The following PTPRD variants were observed in gnomAD, a reference collection of about 807,000 sequenced individuals.
The protein encoded by PTPRD is protein tyrosine phosphatase receptor type D.
In PTPRD, 34 loss-of-function variants were observed where a neutral mutation model predicts 214.5. The ratio of observed to expected loss-of-function variants is 0.16; its 90% confidence interval spans 0.12 to 0.21. The LOEUF (loss-of-function observed/expected upper bound fraction) is 0.21. PTPRD is among the 10% of genes least tolerant of loss of function. PTPRD has a pLI of 1.00. For missense variants in PTPRD, 2,545 were observed against 2,398.7 expected, an observed-to-expected ratio of 1.06 and a Z score of -1.27; for synonymous variants, 1,128 against 845.7, an observed-to-expected ratio of 1.33 and a Z score of -5.79.
intron 8 of PTPRD, among the ~76,000 whole-genome samples, chr9:9,430,542 GA>G (rs1157255912): frequency 1.3e-5 from 2 of 151,934 alleles, no homozygotes; most frequent in Non-Finnish European, 1.5e-5. Context: ...CACAGAATTG[GA>G]AAAAAACTAC....
In PTPRD at chr9:8,314,293, C is replaced by T; in HGVS notation, c.*3581G>A. The T allele has an allele frequency of 4.5e-6, 1 of 221,216 alleles. No homozygotes were observed. The highest frequency in any genetic ancestry group is 9.1e-6 in the Non-Finnish European group (1 of 110,124). The allele number at this position is 221,216 out of a possible 1,614,324, so 13.7% of individuals were successfully genotyped here. ...TAGAATTCATTTGTAACAAATGGAA[C>T]TTGTGTCAGCAAAGAACTGATTTTC... On this transcript the variant is annotated 3_prime_UTR_variant, in exon 46 of 46. Coordinates refer to ENST00000381196, the MANE Select transcript of PTPRD (RefSeq NM_002839.4).
intron 7 of PTPRD, among the ~76,000 whole-genome samples, chr9:9,687,718 C>A (rs963196345): frequency 2.6e-5 from 4 of 151,726 alleles, no homozygotes; most frequent in Admixed American, 2.6e-4. Context: ...AATCAAGATT[C>A]TATTTTCATT....
chr9:9,392,595 C>T (rs150793796), intron 9 of PTPRD, among the ~76,000 whole-genome samples: 1 of 152,138 alleles, frequency 6.6e-6, no homozygotes, highest in Non-Finnish European at 1.5e-5. Context: ...GCTACCTTTG[C>T]TGTGACTCTA....
At chr9:9,785,553 A>G (rs1219237879) in intron 5 of PTPRD, among the ~76,000 whole-genome samples, 1 of 152,074 alleles carries the variant, frequency 6.6e-6, no homozygotes, top group Non-Finnish European at 1.5e-5. Context: ...AAACAACTAA[A>G]TGGTACTCAT....
chr9:8,663,877 T>A (rs2097119227), intron 12 of PTPRD, among the ~76,000 whole-genome samples: 1 of 150,094 alleles, frequency 6.7e-6, no homozygotes, highest in African/African-American at 2.5e-5. Flanking sequence ...ATATTACCAA[T>A]TAAGTCTTCA....
intron 9 of PTPRD, among the ~76,000 whole-genome samples, chr9:9,352,789 C>G (rs914580307): frequency 6.6e-6 from 1 of 151,858 alleles, no homozygotes; most frequent in East Asian, 1.9e-4. Flanking sequence ...TTTTAAATGT[C>G]TGGAAGAAGA....
At chr9:8,542,133 G>A (rs1213289598) in intron 14 of PTPRD, among the ~76,000 whole-genome samples, 4 of 152,106 alleles carry the variant, frequency 2.6e-5, no homozygotes, top group African/African-American at 9.7e-5. Flanking sequence ...CATACATAAA[G>A]GATTGCGATC....
At chr9:10,011,386 T>G (rs1197055552) in intron 4 of PTPRD, among the ~76,000 whole-genome samples, 2 of 151,998 alleles carry the variant, frequency 1.3e-5, no homozygotes, top group African/African-American at 4.8e-5. Flanking sequence ...AGCTGGCATT[T>G]CCTAGCAATT....
intron 7 of PTPRD, among the ~76,000 whole-genome samples, chr9:9,701,606 A>G (rs558558192): frequency 2.0e-5 from 3 of 152,332 alleles, no homozygotes; most frequent in South Asian, 4.1e-4. Context: ...AGAGGTGGGG[A>G]TGGCAAATGG....
intron 9 of PTPRD, among the ~76,000 whole-genome samples, chr9:9,212,986 T>A (rs1445327372): frequency 6.6e-6 from 1 of 152,212 alleles, no homozygotes; most frequent in Non-Finnish European, 1.5e-5. Context: ...CTAACTCCTA[T>A]AACTGTGACC....
intron 2 of PTPRD, among the ~76,000 whole-genome samples, chr9:10,572,556 C>G (rs1434088725): frequency 2.6e-5 from 4 of 152,122 alleles, no homozygotes; most frequent in Non-Finnish European, 5.9e-5. Flanking sequence ...CAAGTGAAAT[C>G]CATAGCATAA....
At chr9:9,929,338 T>C (rs1449117555) in intron 5 of PTPRD, among the ~76,000 whole-genome samples, 1 of 152,172 alleles carries the variant, frequency 6.6e-6, no homozygotes, top group Non-Finnish European at 1.5e-5. Context: ...CTATACCCCT[T>C]GCTATCAAGG....
At chr9:8,889,075 T>C (rs1432642588) in intron 11 of PTPRD, among the ~76,000 whole-genome samples, 2 of 152,170 alleles carry the variant, frequency 1.3e-5, no homozygotes, top group East Asian at 1.9e-4. Context: ...GTCCCTCCTA[T>C]TGCAGTTTTC....
At chr9:10,210,450 T>C (rs952037416) in intron 3 of PTPRD, among the ~76,000 whole-genome samples, 1 of 152,128 alleles carries the variant, frequency 6.6e-6, no homozygotes, top group East Asian at 1.9e-4. Context: ...TTGTAGACAC[T>C]GCATTGACCA....
chr9:8,318,316 C>G (rs897447064), intron 45 of PTPRD, among the ~76,000 whole-genome samples: 1 of 152,086 alleles, frequency 6.6e-6, no homozygotes, highest in African/African-American at 2.4e-5. Context: ...TTACAATTAT[C>G]TGCTTATTCA....
chr9:10,287,348 C>G (rs897594890), intron 3 of PTPRD, among the ~76,000 whole-genome samples: 4 of 152,136 alleles, frequency 2.6e-5, no homozygotes, highest in Non-Finnish European at 5.9e-5. Context: ...GCGTATGCAA[C>G]AGGATGCCTC....
At chr9:8,714,906 A>G (rs2098414837) in intron 12 of PTPRD, among the ~76,000 whole-genome samples, 1 of 151,906 alleles carries the variant, frequency 6.6e-6, no homozygotes, top group Non-Finnish European at 1.5e-5. Flanking sequence ...TCAATTTCAT[A>G]ATTTAGAGCC....
At chr9:10,286,108 A>G (rs1383111249) in intron 3 of PTPRD, among the ~76,000 whole-genome samples, 5 of 152,212 alleles carry the variant, frequency 3.3e-5, no homozygotes, top group Non-Finnish European at 7.3e-5. Flanking sequence ...TTTTAAATCC[A>G]TACATAACAA....
In PTPRD at chr9:9,233,545, C is replaced by G. The variant is rs143163606; in HGVS notation, c.-202-50182G>C. 2.7e-3 allele frequency among the ~76,000 whole-genome samples: 409 copies of G among 152,254 alleles called. 2 individuals carry two copies. The highest frequency in any genetic ancestry group is 5.8e-3 in the South Asian group (28 of 4,824). On this transcript the variant is annotated intron_variant, in intron 9 of 45. Transcript: ENST00000381196. ...GTGTTAGCTCATTCCAGCATTAACCCAAAAGTCCAAGTTCAAAGTCTCATC... is the reference window on the plus strand; with the variant it reads ...GTGTTAGCTCATTCCAGCATTAACCGAAAAGTCCAAGTTCAAAGTCTCATC...
Sources: gnomAD v4.1 joint callset for allele counts (sites outside exome capture counted in the v4.1 genomes callset) on GRCh38, gnomAD v4.1.1 for gene constraint, MANE v1.5 for transcripts, NCBI Gene and HGNC (gene_info 2026-07-23, HGNC 2026-07-21) for gene names.